Variants in PARD3B observed in about 807,000 individuals in gnomAD.
PARD3B encodes the protein partitioning defective 3 homolog B.
Under a neutral mutation model 130.2 loss-of-function variants are expected in PARD3B, and 103 were observed. The ratio of observed to expected loss-of-function variants is 0.79; its 90% CI spans 0.67 to 0.93. PARD3B has a LOEUF of 0.93. Among genes scored for constraint, PARD3B ranks in the 40% least tolerant of loss-of-function variants. The probability of loss-of-function intolerance (pLI) is 0.00; values close to 1 mark genes in which losing one functional copy is unlikely to be tolerated. For synonymous variants in PARD3B, 583 were observed against 553.2 expected (o/e 1.05, Z -0.76); for missense variants, 1,609 against 1,499.2 (o/e 1.07, Z -1.21).
chr2:205,045,348 A>C (rs1368175053), intron 3 of PARD3B, among the ~76,000 whole-genome samples: 1 of 151,648 alleles, frequency 6.6e-6, no homozygotes, highest in East Asian at 1.9e-4. Context: ...TCCCGGGTTC[A>C]AGTGATTCTC....
chr2:205,304,973 T>A (rs1574650430), intron 18 of PARD3B, among the ~76,000 whole-genome samples: 2 of 152,020 alleles, frequency 1.3e-5, no homozygotes, highest in African/African-American at 4.8e-5. Context: ...AGAACAAAAT[T>A]TCAGCAAATT....
chr2:204,788,210 A>C (rs2042077048), intron 2 of PARD3B, among the ~76,000 whole-genome samples: 1 of 152,230 alleles, frequency 6.6e-6, no homozygotes, highest in Admixed American at 6.5e-5. Flanking sequence ...CACCCTTAAC[A>C]GGGAAAGTGG....
intron 15 of PARD3B, among the ~76,000 whole-genome samples, chr2:205,243,309 A>C (rs1489920987): frequency 6.6e-6 from 1 of 152,204 alleles, no homozygotes; most frequent in Admixed American, 6.5e-5. Flanking sequence ...TTTATTAAGT[A>C]CTTATTCTGT....
intron 2 of PARD3B, among the ~76,000 whole-genome samples, chr2:204,958,725 A>G (rs1488880148): frequency 6.6e-6 from 1 of 152,104 alleles, no homozygotes; most frequent in African/African-American, 2.4e-5. Context: ...CATGTTAGGG[A>G]TATTATCAAG....
intron 3 of PARD3B, among the ~76,000 whole-genome samples, chr2:204,975,577 T>C (rs1023413892): frequency 5.3e-5 from 8 of 152,250 alleles, no homozygotes; most frequent in Non-Finnish European, 1.0e-4. Flanking sequence ...AGTCTGGACG[T>C]ACTTCTTACC....
At chr2:205,201,520 A>G (rs985546765) in intron 15 of PARD3B, among the ~76,000 whole-genome samples, 2 of 152,198 alleles carry the variant, frequency 1.3e-5, no homozygotes, top group African/African-American at 4.8e-5. Context: ...TTGTTAGAGT[A>G]TTTTAATATG....
chr2:205,054,804 A>C (rs973440532), intron 4 of PARD3B, among the ~76,000 whole-genome samples: 1 of 152,104 alleles, frequency 6.6e-6, no homozygotes, highest in Non-Finnish European at 1.5e-5. Context: ...CGTTACAGAG[A>C]ACACATCTAA....
chr2:205,057,740 T>C (rs1181419164), intron 4 of PARD3B, among the ~76,000 whole-genome samples: 4 of 150,954 alleles, frequency 2.6e-5, no homozygotes, highest in African/African-American at 9.7e-5. Context: ...TATGTGTATG[T>C]GTATATATGT....
intron 18 of PARD3B, among the ~76,000 whole-genome samples, chr2:205,391,291 T>C (rs2045851438): frequency 6.6e-6 from 1 of 152,238 alleles, no homozygotes; most frequent in Admixed American, 6.5e-5. Context: ...TATCTGGCTA[T>C]TGACTGAAGT....
At chr2:205,577,651 A>G (rs1425380982) in intron 22 of PARD3B, among the ~76,000 whole-genome samples, 1 of 152,258 alleles carries the variant, frequency 6.6e-6, no homozygotes, top group Non-Finnish European at 1.5e-5. Flanking sequence ...AGGATAGCTT[A>G]AAAATGAATT....
chr2:205,152,808 A>T (rs1278948846), intron 10 of PARD3B, among the ~76,000 whole-genome samples: 1 of 152,082 alleles, frequency 6.6e-6, no homozygotes, highest in Non-Finnish European at 1.5e-5. Context: ...GCTGGTGAGG[A>T]GCTGCGATCC....
At position 205,015,872 on chromosome 2, in the gene PARD3B, G is replaced by A. The variant is rs1015049836; in HGVS notation, c.395-31709G>A. 6.6e-6 allele frequency among the ~76,000 whole-genome samples: 1 copy of A among 152,152 alleles called. No individual in the cohort carries two copies. The highest frequency in any genetic ancestry group is 2.4e-5 in the African/African-American group (1 of 41,428). On this transcript the variant is annotated intron_variant, in intron 3 of 22. Transcript: ENST00000406610. The surrounding 1 kb of genome is among the most constrained non-coding windows in gnomAD (Gnocchi z 4.5). ...TTTTCCTGATCGTGAGCCTTATTAT[G>A]TAAGCTTGCTTGCTGATGTCTGAAA... is the stretch of plus-strand genomic sequence containing the variant.
At chr2:205,025,084 G>A (rs576966820) in intron 3 of PARD3B, among the ~76,000 whole-genome samples, 1 of 152,172 alleles carries the variant, frequency 6.6e-6, no homozygotes, top group Non-Finnish European at 1.5e-5. Context: ...TCTTTGTATT[G>A]TTGCTGTTTA....
intron 16 of PARD3B, among the ~76,000 whole-genome samples, chr2:205,295,320 A>C (rs2041749846): frequency 6.6e-6 from 1 of 152,206 alleles, no homozygotes; most frequent in Non-Finnish European, 1.5e-5. Flanking sequence ...TGATAATAAA[A>C]GCAAGCTATC....
At chr2:205,106,828 C>T (rs1205679141) in intron 5 of PARD3B, among the ~76,000 whole-genome samples, 1 of 152,082 alleles carries the variant, frequency 6.6e-6, no homozygotes, top group Non-Finnish European at 1.5e-5. Flanking sequence ...CACTTTAAGA[C>T]CCTGGAGTGG....
chr2:204,925,707 C>G (rs1687559434), intron 2 of PARD3B, among the ~76,000 whole-genome samples: 1 of 152,072 alleles, frequency 6.6e-6, no homozygotes, highest in African/African-American at 2.4e-5. Context: ...ACATTATTGA[C>G]TAAGCTTAAG....
chr2:204,777,449 A>G (rs1259573369), intron 2 of PARD3B, among the ~76,000 whole-genome samples: 1 of 152,200 alleles, frequency 6.6e-6, no homozygotes, highest in Non-Finnish European at 1.5e-5. Flanking sequence ...GAAGGTGACT[A>G]AGAACATGTG....
chr2:204,831,952 G>C (rs2043839580), intron 2 of PARD3B, among the ~76,000 whole-genome samples: 1 of 152,144 alleles, frequency 6.6e-6, no homozygotes, highest in African/African-American at 2.4e-5. Context: ...TTAAAAAATA[G>C]ATATCCACGC....
At chr2:204,571,963 G>T (rs1254563264) in intron 1 of PARD3B, among the ~76,000 whole-genome samples, 1 of 152,090 alleles carries the variant, frequency 6.6e-6, no homozygotes, top group Non-Finnish European at 1.5e-5. Flanking sequence ...CAGAAAAAAT[G>T]GTAGGAGTGG....
Sources: allele counts gnomAD v4.1 joint callset (sites outside exome capture counted in the v4.1 genomes callset), GRCh38; gene constraint gnomAD v4.1.1; non-coding constraint Gnocchi (gnomAD v3.1); transcripts MANE v1.5; gene names NCBI Gene and HGNC (gene_info 2026-07-23, HGNC 2026-07-21).